AGAP1: variants seen among roughly 807,000 people sequenced by gnomAD.
The protein encoded by AGAP1 is ArfGAP with GTPase domain, ankyrin repeat and PH domain 1, also known as arf-GAP with GTPase, ANK repeat and PH domain-containing protein 1.
A neutral mutation model predicts 105.3 loss-of-function variants in AGAP1; 29 were observed. That is an observed-to-expected ratio of 0.28 (90% CI 0.21 to 0.38). The LOEUF is 0.38. Ranked by LOEUF, AGAP1 falls within the 10% of genes least tolerant of loss-of-function variation. The pLI, the probability that AGAP1 is intolerant of heterozygous loss-of-function variation, is 1.00. For synonymous variants in AGAP1, 509 were observed against 485.9 expected, an observed-to-expected ratio of 1.05 and a Z score of -0.63; for missense variants, 998 against 1,165.1, an observed-to-expected ratio of 0.86 and a Z score of 2.09.
In AGAP1 at chr2:235,665,362, C is replaced by T. The variant is rs533065461; in HGVS notation, c.164-43817C>T. ...GTTCCTGCCCTACAGACAGACCATA[C>T]TTGTCCTTCCTCCACTAGCAGATAA... On this transcript the variant is annotated intron_variant, in intron 1 of 17. Coordinates refer to ENST00000304032, the MANE Select transcript of AGAP1 (RefSeq NM_001037131.3). The surrounding 1 kb of genome is among the most constrained non-coding windows in gnomAD (Gnocchi z 5.3). Among the ~76,000 whole-genome samples, 1 of 152,306 alleles carries T rather than the reference C, an allele frequency of 6.6e-6. No homozygotes were observed. Among genetic ancestry groups the T allele is most frequent in the Non-Finnish European group, 1.5e-5 (1 of 68,016 alleles).
intron 8 of AGAP1, among the ~76,000 whole-genome samples, chr2:235,805,215 C>T (rs1458571112): frequency 6.6e-6 from 1 of 152,134 alleles, no homozygotes; most frequent in African/African-American, 2.4e-5. Context: ...TTTATTTTTG[C>T]AATGAAGTCT....
In AGAP1 at chr2:235,930,805, CA is replaced by C; in HGVS notation, c.1366del (p.Ile456SerfsTer148). On this transcript the variant is annotated frameshift_variant, in exon 12 of 18. Coordinates refer to ENST00000304032, the MANE Select transcript of AGAP1 (RefSeq NM_001037131.3). LOFTEE classifies it high-confidence loss of function. This position sits in a 1 kb window ranked among gnomAD's most constrained non-coding sequence, Gnocchi z 7.9. ...SASGSQMASG[I>X]SLVSFNSRPD... The stretch of plus-strand genomic sequence containing the variant: ...CATCTGGGTCTCAGATGGCAAGCGG[CA>C]TCAGCCTGGTCTCCTTCAACAGCCG... 1 of 1,614,108 alleles carries C rather than the reference CA, an allele frequency of 6.2e-7. No individual in the cohort carries two copies. Among genetic ancestry groups the C allele is most frequent in the Non-Finnish European group, 8.5e-7 (1 of 1,180,020 alleles).
At chr2:235,921,320 T>C (rs1332388481) in intron 11 of AGAP1, among the ~76,000 whole-genome samples, 9 of 152,220 alleles carry the variant, frequency 5.9e-5, no homozygotes, top group Non-Finnish European at 1.5e-5. Context: ...AAGAAGTGTA[T>C]AAAGTTATAT....
rs150188563 is a variant in AGAP1, at chr2:235,865,939, A to G, written c.1051-17406A>G. ...TTTTTGCACACAACGAATGATTTCT[A>G]TGTTATCGATTTACTTCTTTCACTT... On this transcript the variant is annotated intron_variant, in intron 9 of 17. Coordinates refer to ENST00000304032, the MANE Select transcript of AGAP1 (RefSeq NM_001037131.3). The surrounding 1 kb of genome is among the most constrained non-coding windows in gnomAD (Gnocchi z 6.2). Among the ~76,000 whole-genome samples, 5 of 152,286 alleles carry G rather than the reference A, an allele frequency of 3.3e-5. No individual in the cohort carries two copies. The highest frequency in any genetic ancestry group is 7.2e-5 in the African/African-American group (3 of 41,578).
At position 235,669,594 on chromosome 2, in the gene AGAP1, C is replaced by A. The variant is rs1948257230; in HGVS notation, c.164-39585C>A. On this transcript the variant is annotated intron_variant, in intron 1 of 17. Transcript: ENST00000304032. ...TGCACGTCGGCCCCCGTCGCCCGCC[C>A]CGCCCCGGCGCGCGTTTCCATTTTA... 2.7e-5 allele frequency: 4 copies of A among 147,930 alleles called. No homozygotes were observed. The South Asian group carries it at 7.1e-4, about 26-fold the overall frequency. The allele number at this position is 147,930 out of a possible 1,614,324, so 9.2% of individuals were successfully genotyped here. A position where few individuals can be genotyped will look rare whatever the true frequency, so the allele number is the denominator to read the frequency against.
At chr2:235,878,730 T>C (rs1244076707) in intron 9 of AGAP1, among the ~76,000 whole-genome samples, 1 of 152,176 alleles carries the variant, frequency 6.6e-6, no homozygotes, top group African/African-American at 2.4e-5. Context: ...AATTTGGGAG[T>C]GAAGCGGAGC....
chr2:235,591,084 C>T (rs909190315), intron 1 of AGAP1, among the ~76,000 whole-genome samples: 3 of 151,962 alleles, frequency 2.0e-5, no homozygotes, highest in Non-Finnish European at 2.9e-5. Flanking sequence ...GGGGCGATCT[C>T]GGTTCACTGC....
Position 235,574,121 on chromosome 2 carries a change from T to C in AGAP1, c.163+79272T>C, listed in dbSNP as rs1944660189. The stretch of plus-strand genomic sequence containing the variant: ...AGCCTGCAGGGACATCACCTAAAAG[T>C]TGTCATCAGCTTCATTAGCAGCACT... On this transcript the variant is annotated intron_variant, in intron 1 of 17. Transcript: ENST00000304032. The surrounding 1 kb of genome is among the most constrained non-coding windows in gnomAD (Gnocchi z 5.0). Among the ~76,000 whole-genome samples, 1 of 152,174 alleles carries C rather than the reference T, an allele frequency of 6.6e-6. No homozygotes were observed. Among genetic ancestry groups the C allele is most frequent in the African/African-American group, 2.4e-5 (1 of 41,448 alleles).
rs138764403 is a variant in AGAP1, at chr2:235,742,383, C to T, written c.396+1335C>T. Among the ~76,000 whole-genome samples the T allele has an allele frequency of 7.2e-3, 1,089 of 152,182 alleles. 10 individuals carry two copies. Among genetic ancestry groups the T allele is most frequent in the African/African-American group, 0.025 (1,034 of 41,504 alleles). ...TGCCAATTAAACTATGAAACAGCCG[C>T]AATAATTAGGTGCATTCTGATTTCA... On this transcript the variant is annotated intron_variant, in intron 4 of 17. Coordinates refer to ENST00000304032, the MANE Select transcript of AGAP1 (RefSeq NM_001037131.3).
At chr2:235,871,271 A>G (rs1467547442) in intron 9 of AGAP1, among the ~76,000 whole-genome samples, 2 of 152,190 alleles carry the variant, frequency 1.3e-5, no homozygotes, top group Admixed American at 6.5e-5. Flanking sequence ...TATTTTTTCT[A>G]ATTGTGCTGG....
At chr2:236,026,600 G>A (rs1576101560) in intron 13 of AGAP1, among the ~76,000 whole-genome samples, 1 of 152,096 alleles carries the variant, frequency 6.6e-6, no homozygotes, top group Non-Finnish European at 1.5e-5. Flanking sequence ...GTGGTGGCAG[G>A]CGCCTGCAAT....
chr2:235,626,982 C>T (rs773513763), intron 1 of AGAP1, among the ~76,000 whole-genome samples: 1 of 152,158 alleles, frequency 6.6e-6, no homozygotes, highest in African/African-American at 2.4e-5. Flanking sequence ...CATTCCAGCG[C>T]ATAGATATGT....
In AGAP1 at chr2:235,517,951, A is replaced by AG. The variant is rs1553556934; in HGVS notation, c.163+23102_163+23103insG. Among the ~76,000 whole-genome samples, 197 of 147,864 alleles carry AG rather than the reference A, an allele frequency of 1.3e-3. No individual in the cohort carries two copies. The highest frequency in any genetic ancestry group is 2.1e-3 in the Non-Finnish European group (139 of 66,776). On this transcript the variant is annotated intron_variant, in intron 1 of 17. Transcript: ENST00000304032. This position sits in a 1 kb window ranked among gnomAD's most constrained non-coding sequence, Gnocchi z 4.1. ...CCGTTTCAAAAAAAAAAAAAAAGAA[A>AG]AAAAAAAGGTAGAACTCATAGTTGC...
intron 1 of AGAP1, among the ~76,000 whole-genome samples, chr2:235,583,873 T>TAAA (rs538942191): frequency 9.8e-5 from 13 of 133,244 alleles, no homozygotes; most frequent in African/African-American, 2.3e-4. Flanking sequence ...GATCATGTCT[T>TAAA]AAAAAAAAAA....
rs185976448 is a variant in AGAP1, at chr2:235,582,796, T to G, written c.163+87947T>G. On this transcript the variant is annotated intron_variant, in intron 1 of 17. Coordinates refer to ENST00000304032, the MANE Select transcript of AGAP1 (RefSeq NM_001037131.3). The surrounding 1 kb of genome is among the most constrained non-coding windows in gnomAD (Gnocchi z 4.7). ...GGCACTTGAGTCCCACGTCCTAGCC[T>G]CCCGGCATCACAGCCTTATGCTGCA... 1.4e-3 allele frequency among the ~76,000 whole-genome samples: 211 copies of G among 152,334 alleles called. 3 individuals carry two copies. Among genetic ancestry groups the G allele is most frequent in the African/African-American group, 4.5e-3 (189 of 41,588 alleles).
At chr2:236,049,389 G>C (rs2057826170) in intron 16 of AGAP1, 108 bp downstream of exon 16, 2 of 969,908 alleles carry the variant, frequency 2.1e-6, no homozygotes, top group South Asian at 1.6e-5. Context: ...TAACCTGTAG[G>C]AATTCGGGAA....
chr2:235,511,837 A>G (rs1212506530), intron 1 of AGAP1, among the ~76,000 whole-genome samples: 1 of 149,920 alleles, frequency 6.7e-6, no homozygotes, highest in East Asian at 2.0e-4. Flanking sequence ...TGTGTGTGTG[A>G]ATGTATGAGT....
chr2:235,858,019 G>A (rs1286701185), intron 9 of AGAP1, among the ~76,000 whole-genome samples: 1 of 152,076 alleles, frequency 6.6e-6, no homozygotes. Flanking sequence ...CACCATGACG[G>A]TACAGCATTT....
rs554487627 is a variant in AGAP1 at position 235,740,278 on chromosome 2, C to G, written c.311-685C>G. 6.6e-6 allele frequency among the ~76,000 whole-genome samples: 1 copy of G among 152,164 alleles called. No individual in the cohort carries two copies. The highest frequency in any genetic ancestry group is 1.9e-4 in the East Asian group (1 of 5,156). On this transcript the variant is annotated intron_variant, in intron 3 of 17. Transcript: ENST00000304032. The surrounding 1 kb of genome is among the most constrained non-coding windows in gnomAD (Gnocchi z 5.7). ...GCACCAGGCCCCTCATGCCCGCACC[C>G]CCTCCTCATGGTCACCTCTGTTCCT...
Sources: allele counts gnomAD v4.1 joint callset (sites outside exome capture counted in the v4.1 genomes callset), GRCh38; gene constraint gnomAD v4.1.1; non-coding constraint Gnocchi (gnomAD v3.1); transcripts MANE v1.5; gene names NCBI Gene and HGNC (gene_info 2026-07-23, HGNC 2026-07-21).